Variants in MAVS observed in about 807,000 individuals in gnomAD.
MAVS encodes mitochondrial antiviral signaling protein.
MAVS carries 20 observed loss-of-function variants against 30.2 expected under a neutral mutation model. The observed-to-expected ratio is 0.66, with a 90% CI of 0.47 to 0.96. MAVS has a LOEUF of 0.96. MAVS is among the 40% of genes least tolerant of loss of function. MAVS has a pLI of 0.00. For missense variants in MAVS, 624 were observed against 701.1 expected (o/e 0.89, Z 1.24); for synonymous variants, 278 against 293.9 (o/e 0.95, Z 0.55).
At chr20:3,849,228 T>C (rs1600439859) in intron 1 of MAVS, among the ~76,000 whole-genome samples, 1 of 150,620 alleles carries the variant, frequency 6.6e-6, no homozygotes, top group African/African-American at 2.4e-5. Flanking sequence ...TTTTTTCCTA[T>C]GATGGAGTTT....
Position 3,848,466 on chromosome 20 carries a change from C to T in MAVS, c.-68+1563C>T, listed in dbSNP as rs116424953. On this transcript the variant is annotated intron_variant, in intron 1 of 6. Coordinates refer to ENST00000428216, the MANE Select transcript of MAVS (RefSeq NM_020746.5). Reference sequence around the variant, plus strand: ...ATTTCTTGAAGGCTCAGAGGACCCCCGCCTCACCTTCCTGATTCTCCTGAC... The same window carrying T: ...ATTTCTTGAAGGCTCAGAGGACCCCTGCCTCACCTTCCTGATTCTCCTGAC... Among the ~76,000 whole-genome samples the T allele has an allele frequency of 9.2e-3, 1,403 of 152,302 alleles. 24 individuals are homozygous for T. The highest frequency in any genetic ancestry group is 0.032 in the African/African-American group (1,310 of 41,554).
rs556198243 is a variant in MAVS, at chr20:3,871,825, G to C, written c.*5678G>C. The C allele has an allele frequency of 1.3e-5, 2 of 152,248 alleles. No homozygotes were observed. The highest frequency in any genetic ancestry group is 2.9e-5 in the Non-Finnish European group (2 of 68,032). 9.4% of individuals were successfully genotyped at this position (152,248 alleles called of 1,614,324 possible). A position where few individuals can be genotyped will look rare whatever the true frequency, so the allele number is the denominator to read the frequency against. ...CTATGAAGGCCTCATTCGGTGCTGG[G>C]CATGGTCACTCCTAGCATTCCTCAC... On this transcript the variant is annotated 3_prime_UTR_variant, in exon 7 of 7. Transcript: ENST00000428216.
intron 1 of MAVS, among the ~76,000 whole-genome samples, chr20:3,849,184 T>C (rs937797267): frequency 3.3e-5 from 5 of 150,314 alleles, no homozygotes; most frequent in Admixed American, 6.6e-5. Context: ...TGACAATCTC[T>C]GCCCCTTTCC....
chr20:3,853,601 C>T (rs534631643), intron 1 of MAVS, among the ~76,000 whole-genome samples: 1 of 152,150 alleles, frequency 6.6e-6, no homozygotes, highest in South Asian at 2.1e-4. Context: ...TGAGACCAGC[C>T]TGGGCAGCAT....
Position 3,864,799 on chromosome 20 carries a change from G to C in MAVS, c.1158+11G>C, listed in dbSNP as rs200124312. 1.5e-5 allele frequency: 24 copies of C among 1,608,574 alleles called. No homozygotes were observed. The highest frequency in any genetic ancestry group is 4.0e-5 in the African/African-American group (3 of 75,010). ...AGCAGCAGAAATGAGGTGAGTCCTC[G>C]CCCTTCCTGGCAGGGATCCTGGCCC... On this transcript the variant is annotated intron_variant, in intron 6 of 6. Coordinates refer to ENST00000428216, the MANE Select transcript of MAVS (RefSeq NM_020746.5).
At chr20:3,863,434 C>T (rs1334727801) in intron 5 of MAVS, among the ~76,000 whole-genome samples, 1 of 152,190 alleles carries the variant, frequency 6.6e-6, no homozygotes, top group East Asian at 1.9e-4. Context: ...CCAAACTGCT[C>T]CAAGCACCTG....
chr20:3,851,875 A>G (rs2089762739), intron 1 of MAVS, among the ~76,000 whole-genome samples: 1 of 151,936 alleles, frequency 6.6e-6, no homozygotes, highest in South Asian at 2.1e-4. Flanking sequence ...GAATCACTTG[A>G]ACCCGGAAGG....
In MAVS at chr20:3,862,337, C is replaced by T. The variant is rs2326369; in HGVS notation, c.549C>T (p.Asp183=). 0.071 allele frequency: 114,143 copies of T among 1,613,834 alleles called. 5,618 individuals carry two copies. The highest frequency in any genetic ancestry group is 0.23 in the East Asian group (10,319 of 44,838). The change falls in exon 5 of 7, where the codon GAC becomes GAT. Residue 183 remains aspartate, a synonymous_variant. Transcript: ENST00000428216. ...GTGGCCCCCTGGAGTCCTCCTCTGA[C>T]CTGGCAGCCCTCAGCCCTCTGACCT... ...PDGGPLESSS[D]LAALSPLTSS...
chr20:3,868,370 C>CA lies in MAVS; in HGVS notation c.*2224dup, dbSNP rs2089925579. 6.6e-6 allele frequency: 1 copy of CA among 152,342 alleles called. No individual in the cohort carries two copies. The highest frequency in any genetic ancestry group is 2.1e-4 in the South Asian group (1 of 4,832). The allele number at this position is 152,342 out of a possible 1,614,324, so 9.4% of individuals were successfully genotyped here. A position where few individuals can be genotyped will look rare whatever the true frequency, so the allele number is the denominator to read the frequency against. On this transcript the variant is annotated 3_prime_UTR_variant, in exon 7 of 7. Transcript: ENST00000428216. ...GCAACATGGGCCGAGCGCAGTGGCT[C>CA]ACGCCTGTAATCCCAGCACTTTGGG...
In MAVS at chr20:3,864,758, A is replaced by C; in HGVS notation, c.1128A>C (p.Thr376=). The C allele has an allele frequency of 1.2e-6, 2 of 1,614,154 alleles. No homozygotes were observed. The highest frequency in any genetic ancestry group is 4.5e-5 in the East Asian group (2 of 44,886). ...SMVLTKVSAS[T]VPTDGSSRNE... is the part of the protein sequence containing the mutation. ...TGCTCACCAAGGTGTCTGCCAGCAC[A>C]GTCCCCACTGACGGGAGCAGCAGAA... Residue 376 remains threonine, a synonymous_variant, in exon 6 of 7, where the codon ACA becomes ACC. Coordinates refer to ENST00000428216, the MANE Select transcript of MAVS (RefSeq NM_020746.5).
chr20:3,856,155 C>T (rs1409223974), intron 2 of MAVS, among the ~76,000 whole-genome samples: 18 of 150,202 alleles, frequency 1.2e-4, no homozygotes, highest in African/African-American at 3.9e-4. Flanking sequence ...CCTGGGTTCA[C>T]GCCATTCTCC....
At chr20:3,861,171 T>C (rs1048549900) in intron 3 of MAVS, among the ~76,000 whole-genome samples, 161 bp from the exon 4 acceptor site, 1 of 152,006 alleles carries the variant, frequency 6.6e-6, no homozygotes, top group Non-Finnish European at 1.5e-5. Flanking sequence ...AATAATGTTG[T>C]ATTTTTAGTA....
rs140310972 is a variant in MAVS, at chr20:3,865,931, C to G, written c.1407C>G (p.His469Gln). 5.0e-6 allele frequency: 8 copies of G among 1,613,676 alleles called. No individual in the cohort carries two copies. The African/African-American group carries it at 9.3e-5, about 19-fold the overall frequency. ...AGTCCGAGGGCACCTTTGGGATCCACGTGGCTGAGAACCCCAGCATCCAGC... is the reference window on the plus strand; with the variant it reads ...AGTCCGAGGGCACCTTTGGGATCCAGGTGGCTGAGAACCCCAGCATCCAGC... ...EYKSEGTFGI[H>Q]VAENPSIQLL... Residue 469 changes from histidine (H) to glutamine (Q), a missense_variant, in exon 7 of 7, where the codon CAC (histidine) becomes CAG (glutamine). Coordinates refer to ENST00000428216, the MANE Select transcript of MAVS (RefSeq NM_020746.5). The surrounding 1 kb of genome is among the most constrained non-coding windows in gnomAD (Gnocchi z 4.7).
rs1568531967 is a variant in MAVS at position 3,852,010 on chromosome 20, C to CTTTTTTTT, written c.-67-2548_-67-2547insTTTTTTTT. On this transcript the variant is annotated intron_variant, in intron 1 of 6. Coordinates refer to ENST00000428216, the MANE Select transcript of MAVS (RefSeq NM_020746.5). ...GCAGGCTTTTTTTTTTTTTTTTTCC[C>CTTTTTTTT]CCGAGACGGAATCTGGCTCTGTCGC... Among the ~76,000 whole-genome samples, 120 of 39,408 alleles carry CTTTTTTTT rather than the reference C, an allele frequency of 3.0e-3. 5 individuals are homozygous for CTTTTTTTT. Among genetic ancestry groups the CTTTTTTTT allele is most frequent in the African/African-American group, 0.015 (113 of 7,590 alleles). 25.9% of individuals were successfully genotyped at this position (39,408 alleles called of 152,430 possible). A position where few individuals can be genotyped will look rare whatever the true frequency, so the allele number is the denominator to read the frequency against.
In MAVS at chr20:3,869,236, G is replaced by T. The variant is rs1167815671; in HGVS notation, c.*3089G>T. The T allele has an allele frequency of 6.6e-6, 1 of 150,972 alleles. No individual in the cohort carries two copies. The highest frequency in any genetic ancestry group is 6.6e-5 in the Admixed American group (1 of 15,096). The allele number at this position is 150,972 out of a possible 1,614,324, so 9.4% of individuals were successfully genotyped here. Reference sequence around the variant, plus strand: ...CACCCAGGCTGGAGTGCAGTGGCGCGATCTCAGCTCACTGCGACCTCCACC... The same window carrying T: ...CACCCAGGCTGGAGTGCAGTGGCGCTATCTCAGCTCACTGCGACCTCCACC... On this transcript the variant is annotated 3_prime_UTR_variant, in exon 7 of 7. Coordinates refer to ENST00000428216, the MANE Select transcript of MAVS (RefSeq NM_020746.5).
intron 5 of MAVS, 65 bp downstream of exon 5, chr20:3,862,478 T>G (rs1266031822): frequency 6.7e-7 from 1 of 1,495,922 alleles, no homozygotes; most frequent in Non-Finnish European, 9.0e-7. Context: ...GAATTAGAGT[T>G]GCCCCATCTG....
rs7267297 is a variant in MAVS, at chr20:3,872,773, T to C, written c.*6626T>C. ...TCAAGTGGTTGGGGACGTTCATGAT[T>C]GTGGTACAGACAAATAGGCTTTCAC... On this transcript the variant is annotated 3_prime_UTR_variant, in exon 7 of 7. Transcript: ENST00000428216. 0.26 allele frequency: 39,462 copies of C among 152,322 alleles called. 7,446 individuals carry two copies. Among genetic ancestry groups the C allele is most frequent in the African/African-American group, 0.54 (22,290 of 41,482 alleles). 9.4% of individuals were successfully genotyped at this position (152,322 alleles called of 1,614,324 possible).
intron 1 of MAVS, among the ~76,000 whole-genome samples, chr20:3,851,462 C>G (rs2089758862): frequency 7.0e-6 from 1 of 143,098 alleles, no homozygotes; most frequent in Non-Finnish European, 1.5e-5. Context: ...GCCGAGATCA[C>G]ACCACTGCAC....
At chr20:3,861,774 T>C (rs1393911962) in intron 4 of MAVS, among the ~76,000 whole-genome samples, 2 of 149,228 alleles carry the variant, frequency 1.3e-5, no homozygotes, top group Non-Finnish European at 3.0e-5. Context: ...TGTGTGACAG[T>C]GTCTCATTCT....
Sources: allele counts gnomAD v4.1 joint callset (sites outside exome capture counted in the v4.1 genomes callset), GRCh38; gene constraint gnomAD v4.1.1; non-coding constraint Gnocchi (gnomAD v3.1); transcripts MANE v1.5; gene names NCBI Gene and HGNC (gene_info 2026-07-23, HGNC 2026-07-21).